The following EYA1 variants were observed in gnomAD, a reference collection of about 807,000 sequenced individuals.
EYA1 encodes protein phosphatase EYA1.
In EYA1, 16 loss-of-function variants were observed where a neutral mutation model predicts 82.0. The observed-to-expected ratio is 0.20, with a 90% CI of 0.13 to 0.30. The LOEUF is 0.30. Among genes scored for constraint, EYA1 ranks in the 10% least tolerant of loss-of-function variants. The probability of loss-of-function intolerance (pLI) is 1.00; values close to 1 mark genes in which losing one functional copy is unlikely to be tolerated. For synonymous variants in EYA1, 261 were observed against 264.4 expected (o/e 0.99, Z 0.12); for missense variants, 633 against 730.7 (o/e 0.87, Z 1.54).
chr8:71,409,216 T>C lies in EYA1; in HGVS notation c.34-52705A>G, dbSNP rs1272799172. Among the ~76,000 whole-genome samples, 4 of 46,640 alleles carry C rather than the reference T, an allele frequency of 8.6e-5. 1 individual carries two copies. In the East Asian group the frequency reaches 1.0e-3, roughly 12 times the overall value. 30.6% of individuals were successfully genotyped at this position (46,640 alleles called of 152,430 possible). On this transcript the variant is annotated intron_variant, in intron 2 of 18. Transcript: ENST00000643681. The stretch of plus-strand genomic sequence containing the variant: ...ACATACCAGAATCTCTGGGACGCAT[T>C]CAAAGCAGTGTGTAGAGGGAAATTT...
intron 7 of EYA1, 131 bp downstream of exon 7, chr8:71,317,421 C>G: frequency 6.8e-6 from 6 of 886,362 alleles, no homozygotes; most frequent in Non-Finnish European, 1.1e-5. Context: ...AAACTAGAAG[C>G]AGGTGTCCTG....
chr8:71,341,684 C>A (rs1825138149), intron 3 of EYA1, among the ~76,000 whole-genome samples: 1 of 152,132 alleles, frequency 6.6e-6, no homozygotes, highest in Non-Finnish European at 1.5e-5. Flanking sequence ...GGCTATATAG[C>A]ATATGATCAT....
At chr8:71,270,062 G>T in intron 10 of EYA1, 1 of 442,644 alleles carries the variant, frequency 2.3e-6, no homozygotes, top group Non-Finnish European at 4.2e-6. Flanking sequence ...ATAGGAAAGA[G>T]ATAATCTATG....
At chr8:71,308,086 G>A (rs920966) in intron 7 of EYA1, among the ~76,000 whole-genome samples, 17,038 of 152,088 alleles carry the variant, frequency 0.11, 1,369 homozygotes, top group East Asian at 0.43. Flanking sequence ...AAAAGTAGAG[G>A]ATGGATAAGG....
At chr8:71,228,055 T>C (rs1291905679) in intron 12 of EYA1, among the ~76,000 whole-genome samples, 1 of 152,206 alleles carries the variant, frequency 6.6e-6, no homozygotes, top group South Asian at 2.1e-4. Context: ...TTCTCTGCCA[T>C]GTAATTATTA....
Position 71,310,223 on chromosome 8 carries a change from C to T in EYA1, c.556+7329G>A, listed in dbSNP as rs113937470. Among the ~76,000 whole-genome samples, 1,195 of 147,388 alleles carry T rather than the reference C, an allele frequency of 8.1e-3. 22 individuals carry two copies. Among genetic ancestry groups the T allele is most frequent in the African/African-American group, 0.026 (1,063 of 40,548 alleles). ...ACAAGGAAAGATGGCATTAAACATACGATGACAATAAATTAGCTGAAATGT... is the reference window on the plus strand; with the variant it reads ...ACAAGGAAAGATGGCATTAAACATATGATGACAATAAATTAGCTGAAATGT... On this transcript the variant is annotated intron_variant, in intron 7 of 17. Coordinates refer to ENST00000340726, the MANE Select transcript of EYA1 (RefSeq NM_000503.6).
At position 71,221,863 on chromosome 8, in the gene EYA1, A is replaced by C. The variant is rs550574797; in HGVS notation, c.1141-4840T>G. Among the ~76,000 whole-genome samples, 26 of 152,298 alleles carry C rather than the reference A, an allele frequency of 1.7e-4. 1 individual carries two copies. Among genetic ancestry groups the C allele is most frequent in the African/African-American group, 5.3e-4 (22 of 41,564 alleles). ...GGGGCACTCCACTGGAAAAGGGAAGAAAGCCTCAGATAGACATGCGTGCAG... is the reference window on the plus strand; with the variant it reads ...GGGGCACTCCACTGGAAAAGGGAAGCAAGCCTCAGATAGACATGCGTGCAG... On this transcript the variant is annotated intron_variant, in intron 12 of 17. Transcript: ENST00000340726.
rs367978872 is a variant in EYA1, at chr8:71,215,600, G to A, written c.1475+14C>T. The A allele has an allele frequency of 3.7e-6, 6 of 1,611,132 alleles. No individual in the cohort carries two copies. The highest frequency in any genetic ancestry group is 1.3e-5 in the African/African-American group (1 of 74,854). On this transcript the variant is annotated intron_variant, in intron 15 of 17. Transcript: ENST00000340726. ...TTGCCCATTTCCTGGCAAAGACCCC[G>A]CAGAGAGCCTCACCGGGAGTGAATG...
intron 3 of EYA1, 29 bp from the exon 4 acceptor site, chr8:71,334,203 T>C (rs556985213): frequency 2.6e-5 from 38 of 1,447,940 alleles, no homozygotes; most frequent in African/African-American, 9.8e-5. Context: ...TACATCGATA[T>C]TGAATTAATA....
chr8:71,225,265 A>T (rs1320382356), intron 12 of EYA1: 2 of 456,274 alleles, frequency 4.4e-6, no homozygotes. Context: ...TCTTCTGCCC[A>T]GCTTCACCAG....
chr8:71,358,166 T>A (rs1182691553), intron 1 of EYA1, among the ~76,000 whole-genome samples: 1 of 152,218 alleles, frequency 6.6e-6, no homozygotes, highest in African/African-American at 2.4e-5. Context: ...AGTTTCAGTA[T>A]ACACTTTGAA....
chr8:71,366,860 G>T (rs923032833), upstream of EYA1, among the ~76,000 whole-genome samples: 1 of 151,968 alleles, frequency 6.6e-6, no homozygotes, highest in South Asian at 2.1e-4. Flanking sequence ...TCATTTTGAC[G>T]CAAGGTGATA....
chr8:71,435,046 G>A (rs1805902228), intron 2 of EYA1, among the ~76,000 whole-genome samples: 1 of 152,026 alleles, frequency 6.6e-6, no homozygotes, highest in Non-Finnish European at 1.5e-5. Context: ...CTGAAAATGG[G>A]CAAATGCATC....
chr8:71,432,455 C>T (rs1233700345), intron 2 of EYA1, among the ~76,000 whole-genome samples: 3 of 152,152 alleles, frequency 2.0e-5, no homozygotes, highest in Non-Finnish European at 4.4e-5. Context: ...GCTTAAACAA[C>T]AGAAATGTGT....
intron 1 of EYA1, among the ~76,000 whole-genome samples, chr8:71,538,838 T>G (rs566485909): frequency 2.0e-5 from 3 of 152,116 alleles, no homozygotes; most frequent in Non-Finnish European, 4.4e-5. Flanking sequence ...GCAGGTGCCT[T>G]GGTGTCAGAG....
intron 12 of EYA1, among the ~76,000 whole-genome samples, chr8:71,220,454 CAG>C (rs1352974350): frequency 6.6e-6 from 1 of 152,106 alleles, no homozygotes; most frequent in Non-Finnish European, 1.5e-5. Flanking sequence ...TCAGAGAAGA[CAG>C]AGATAGTGAT....
intron 9 of EYA1, among the ~76,000 whole-genome samples, chr8:71,297,402 C>T (rs1052280541): frequency 6.6e-6 from 1 of 152,082 alleles, no homozygotes; most frequent in Non-Finnish European, 1.5e-5. Context: ...ATTTAAGAAA[C>T]ACAATTAAGT....
rs150857288 is a variant in EYA1, at chr8:71,266,049, T to C, written c.1050+3691A>G. On this transcript the variant is annotated intron_variant, in intron 11 of 17. Transcript: ENST00000340726. ...ACATTGCTGTAACATGCCCTAATTT[T>C]GCATTGTATCAACCAGATCCTGTGT... 4.1e-3 allele frequency among the ~76,000 whole-genome samples: 632 copies of C among 152,350 alleles called. 3 individuals carry two copies. Among genetic ancestry groups the C allele is most frequent in the Middle Eastern group, 0.01 (3 of 294 alleles).
chr8:71,335,031 AAAG>A (rs1824324162), intron 3 of EYA1, among the ~76,000 whole-genome samples: 1 of 152,328 alleles, frequency 6.6e-6, no homozygotes, highest in South Asian at 2.1e-4. Flanking sequence ...CATTTTTTTA[AAAG>A]AAGAAGTAGC....
Sources: gnomAD v4.1 joint callset for allele counts (sites outside exome capture counted in the v4.1 genomes callset) on GRCh38, gnomAD v4.1.1 for gene constraint, MANE v1.5 for transcripts, NCBI Gene and HGNC (gene_info 2026-07-23, HGNC 2026-07-21) for gene names.